The following CFI variants were observed in gnomAD, a reference collection of about 807,000 sequenced individuals.
CFI encodes C3B/C4B inactivator.
In CFI, 66 loss-of-function variants were observed where a neutral mutation model predicts 78.8. The ratio of observed to expected loss-of-function variants is 0.84; its 90% CI spans 0.69 to 1.03. The LOEUF (loss-of-function observed/expected upper bound fraction) is 1.03, where lower values mean the gene tolerates loss of function less well. CFI is among the 50% of genes least tolerant of loss of function. CFI has a pLI of 0.00. For missense variants in CFI, 706 were observed against 704.5 expected, an observed-to-expected ratio of 1.00 and a Z score of -0.02; for synonymous variants, 250 against 232.6, an observed-to-expected ratio of 1.07 and a Z score of -0.68.
chr4:109,767,000 T>A (rs1274279326), intron 1 of CFI, among the ~76,000 whole-genome samples, 176 bp from the exon 2 acceptor site: 1 of 152,188 alleles, frequency 6.6e-6, no homozygotes, highest in Non-Finnish European at 1.5e-5. Flanking sequence ...ATCTGATCTT[T>A]GACAAACTTG....
intron 1 of CFI, among the ~76,000 whole-genome samples, chr4:109,785,729 A>G (rs1426053103): frequency 1.3e-5 from 2 of 152,056 alleles, no homozygotes; most frequent in African/African-American, 2.4e-5. Flanking sequence ...GGAGAGACCA[A>G]GTGGAGGTAA....
chr4:109,780,723 A>G (rs1396782420), intron 1 of CFI, among the ~76,000 whole-genome samples: 2 of 152,220 alleles, frequency 1.3e-5, no homozygotes, highest in Non-Finnish European at 2.9e-5. Context: ...CACTATTCAC[A>G]ATAGCAAAGA....
chr4:109,749,054 A>G (rs1286887965), intron 10 of CFI, among the ~76,000 whole-genome samples, 164 bp downstream of exon 10: 1 of 152,202 alleles, frequency 6.6e-6, no homozygotes, highest in Admixed American at 6.5e-5. Context: ...ATTCTACGGG[A>G]TTAGCCTCTG....
At chr4:109,736,200 T>C (rs975542858), downstream of CFI, among the ~76,000 whole-genome samples, 25 of 152,244 alleles carry the variant, frequency 1.6e-4, no homozygotes, top group African/African-American at 5.5e-4. Context: ...GTTGAGGGAG[T>C]GCTGGGAGAG....
intron 1 of CFI, chr4:109,793,865 C>T (rs1731690228): frequency 6.6e-6 from 1 of 152,196 alleles, no homozygotes; most frequent in South Asian, 2.1e-4. Flanking sequence ...CTATTAGTAG[C>T]TAACTCCTTC....
intron 1 of CFI, among the ~76,000 whole-genome samples, chr4:109,792,797 G>A (rs1731549965): frequency 6.6e-6 from 1 of 152,002 alleles, no homozygotes; most frequent in South Asian, 2.1e-4. Context: ...AGCCACTTTA[G>A]CTCTTTTTTG....
In CFI at chr4:109,754,699, C is replaced by T. The variant is rs536833237; in HGVS notation, c.905-2196G>A. On this transcript the variant is annotated intron_variant, in intron 7 of 12. Transcript: ENST00000394634. Reference sequence around the variant, plus strand: ...ACAGGCATATGAGTGTTTGTTATGCCACACACCTAAGTTGTTTTCTGGGGT... The same window carrying T: ...ACAGGCATATGAGTGTTTGTTATGCTACACACCTAAGTTGTTTTCTGGGGT... Among the ~76,000 whole-genome samples the T allele has an allele frequency of 5.3e-5, 8 of 152,198 alleles. No homozygotes were observed. In the East Asian group the frequency reaches 1.5e-3, roughly 29 times the overall value.
At chr4:109,736,266 C>A (rs1173754257), downstream of CFI, among the ~76,000 whole-genome samples, 1 of 151,614 alleles carries the variant, frequency 6.6e-6, no homozygotes, top group Non-Finnish European at 1.5e-5. Flanking sequence ...TATCAAGACT[C>A]TTTTTCCTGG....
rs1190039604 is a variant in CFI, at chr4:109,757,744, AT to A, written c.904+18del. 2 of 1,401,064 alleles carry A rather than the reference AT, an allele frequency of 1.4e-6. No individual in the cohort carries two copies. The highest frequency in any genetic ancestry group is 2.0e-6 in the Non-Finnish European group (2 of 997,092). 86.8% of individuals were successfully genotyped at this position (1,401,064 alleles called of 1,614,324 possible). On this transcript the variant is annotated intron_variant, in intron 7 of 12. Transcript: ENST00000394634. ...TGTTTCAATTTTTTAATATCCCCAAATTTTAATAAAAATTTTACCTTGAGTC... is the reference window on the plus strand; with the variant it reads ...TGTTTCAATTTTTTAATATCCCCAAATTTAATAAAAATTTTACCTTGAGTC...
chr4:109,791,317 A>G (rs1731349590), intron 1 of CFI, among the ~76,000 whole-genome samples: 1 of 151,570 alleles, frequency 6.6e-6, no homozygotes, highest in South Asian at 2.1e-4. Context: ...AATTTGTTTA[A>G]GTTCCTTATA....
chr4:109,783,199 ACCTTTG>A (rs2125849378), intron 1 of CFI, among the ~76,000 whole-genome samples: 1 of 152,192 alleles, frequency 6.6e-6, no homozygotes, highest in Middle Eastern at 3.4e-3. Context: ...AAACTAAAGA[ACCTTTG>A]CACAGCAAAA....
At chr4:109,758,196 G>T (rs1726565439) in intron 6 of CFI, among the ~76,000 whole-genome samples, 1 of 150,962 alleles carries the variant, frequency 6.6e-6, no homozygotes, top group African/African-American at 2.4e-5. Flanking sequence ...AGTGGCTCAT[G>T]CCTGTAATCC....
chr4:109,781,809 C>T (rs897358079), intron 1 of CFI, among the ~76,000 whole-genome samples: 3 of 152,098 alleles, frequency 2.0e-5, no homozygotes, highest in Non-Finnish European at 4.4e-5. Flanking sequence ...AGATAATCTA[C>T]CATGATCAAG....
At chr4:109,770,547 C>T (rs1353816719) in intron 1 of CFI, among the ~76,000 whole-genome samples, 3 of 110,302 alleles carry the variant, frequency 2.7e-5, no homozygotes, top group Non-Finnish European at 3.5e-5. Flanking sequence ...CAGAGCGAGA[C>T]TCCATCTCTA....
intron 7 of CFI, among the ~76,000 whole-genome samples, chr4:109,756,961 GAAAGAAAGAAA>G (rs1726362325): frequency 1.5e-5 from 2 of 133,112 alleles, no homozygotes; most frequent in African/African-American, 2.7e-5. Context: ...AAGAAAGAAA[GAAAGAAAGAAA>G]GAAAGAAATT....
chr4:109,766,572 C>G lies in CFI; in HGVS notation c.310G>C (p.Gly104Arg). 1 of 1,614,120 alleles carries G rather than the reference C, an allele frequency of 6.2e-7. No individual in the cohort carries two copies. The highest frequency in any genetic ancestry group is 8.5e-7 in the Non-Finnish European group (1 of 1,180,008). Residue 104 changes from glycine (G) to arginine (R), a missense_variant, in exon 2 of 13, where the codon GGA becomes CGA. Gly to Arg is a moderately radical substitution (Grantham distance 125). Coordinates refer to ENST00000394634, the MANE Select transcript of CFI (RefSeq NM_000204.5). Reference sequence around the variant, plus strand: ...TTGCTACCTTCGGCTGTGCATGTTCCGTTATTTAAAAACTTTGTCCCTGGA... The same window carrying G: ...TTGCTACCTTCGGCTGTGCATGTTCGGTTATTTAAAAACTTTGTCCCTGGA... Reference protein sequence around the residue: ...LHPGTKFLNNGTCTAEGKFSV... With the variant: ...LHPGTKFLNNRTCTAEGKFSV...
At chr4:109,772,883 C>T (rs577578972) in intron 1 of CFI, among the ~76,000 whole-genome samples, 2 of 152,286 alleles carry the variant, frequency 1.3e-5, no homozygotes, top group East Asian at 3.9e-4. Context: ...CCTGCCTAAC[C>T]TGAGAGTCTT....
In CFI at chr4:109,764,530, C is replaced by A. The variant is rs765922749; in HGVS notation, c.482+7G>T. On this transcript the variant is annotated splice_region_variant and intron_variant, in intron 3 of 12. Transcript: ENST00000394634. ...CCATGAGAAAATCCACTGATACAAG[C>A]GCTCACTGTTGAAACCCAAGGTCAA... 2.5e-6 allele frequency: 4 copies of A among 1,613,934 alleles called. No homozygotes were observed. The South Asian group carries it at 3.3e-5, about 13-fold the overall frequency.
rs1052353717 is a variant in CFI, at chr4:109,766,961, A to G, written c.58-137T>C. On this transcript the variant is annotated intron_variant, in intron 1 of 12. Transcript: ENST00000394634. ...ATGGTGTTGTCTGGTGGCTTCAAGAATCAGAAATAATGCCGCATATCTACA... is the reference window on the plus strand; with the variant it reads ...ATGGTGTTGTCTGGTGGCTTCAAGAGTCAGAAATAATGCCGCATATCTACA... 34 of 789,346 alleles carry G rather than the reference A, an allele frequency of 4.3e-5. No homozygotes were observed. The African/African-American group carries it at 5.5e-4, about 13-fold the overall frequency. 48.9% of individuals were successfully genotyped at this position (789,346 alleles called of 1,614,324 possible).
Sources: allele counts gnomAD v4.1 joint callset (sites outside exome capture counted in the v4.1 genomes callset), GRCh38; gene constraint gnomAD v4.1.1; transcripts MANE v1.5; gene names NCBI Gene and HGNC (gene_info 2026-07-23, HGNC 2026-07-21).